The following CACNA1E variants were observed in gnomAD, a reference collection of about 807,000 sequenced individuals.
CACNA1E encodes voltage-dependent R-type calcium channel subunit alpha-1E.
A neutral mutation model predicts 259.2 loss-of-function variants in CACNA1E; 40 were observed. That is an observed-to-expected ratio of 0.15 (90% CI 0.12 to 0.20). The LOEUF (loss-of-function observed/expected upper bound fraction) is 0.20. Among genes scored for constraint, CACNA1E ranks in the 10% least tolerant of loss-of-function variants. The pLI is 1.00. For synonymous variants in CACNA1E, 1,104 were observed against 1,138.5 expected (o/e 0.97, Z 0.61); for missense variants, 1,874 against 3,040.1 (o/e 0.62, Z 9.02).
intron 1 of CACNA1E, among the ~76,000 whole-genome samples, chr1:181,495,324 T>C (rs1185044299): frequency 6.6e-6 from 1 of 152,176 alleles, no homozygotes; most frequent in Non-Finnish European, 1.5e-5. Flanking sequence ...CAGTATCACC[T>C]CTGTCACTTT....
chr1:181,537,516 G>A (rs544188787), intron 3 of CACNA1E, among the ~76,000 whole-genome samples: 2 of 152,316 alleles, frequency 1.3e-5, no homozygotes, highest in South Asian at 2.1e-4. Flanking sequence ...GTTACTGTAT[G>A]TATATAGAAA....
chr1:181,477,461 T>C (rs1310204707), intron 2 of CACNA1E, among the ~76,000 whole-genome samples: 1 of 152,240 alleles, frequency 6.6e-6, no homozygotes, highest in Non-Finnish European at 1.5e-5. Flanking sequence ...AATGTGTGGC[T>C]CATCAAAGGG....
chr1:181,695,876 A>C (rs577687795), intron 7 of CACNA1E, among the ~76,000 whole-genome samples: 18 of 152,318 alleles, frequency 1.2e-4, no homozygotes, highest in African/African-American at 4.3e-4. Flanking sequence ...AATTGCTTGA[A>C]TCCAGGAGGC....
chr1:181,613,969 C>T (rs1261383950), intron 6 of CACNA1E, among the ~76,000 whole-genome samples: 4 of 152,120 alleles, frequency 2.6e-5, no homozygotes, highest in African/African-American at 9.7e-5. Context: ...TCAAACCATC[C>T]TTTGCTGGCA....
rs116672840 is a variant in CACNA1E at position 181,457,488 on chromosome 1, G to A, written c.435-26256G>A. 7.3e-3 allele frequency among the ~76,000 whole-genome samples: 1,106 copies of A among 152,344 alleles called. 6 individuals carry two copies. Among genetic ancestry groups the A allele is most frequent in the Non-Finnish European group, 9.4e-3 (638 of 68,038 alleles). The stretch of plus-strand genomic sequence containing the variant: ...GTTCCTTACAAGTGGAGTGACTCCC[G>A]CGTTGGTGACAAGAGGGCATGGATG... On this transcript the variant is annotated intron_variant, in intron 2 of 11. Coordinates refer to the CACNA1E transcript ENST00000524607.
chr1:181,355,579 C>T (rs1388178496), intron 1 of CACNA1E, among the ~76,000 whole-genome samples: 1 of 147,108 alleles, frequency 6.8e-6, no homozygotes, highest in Non-Finnish European at 1.5e-5. Context: ...CAGAGTGAGA[C>T]TCCATCTCAA....
At chr1:181,495,316 G>T (rs571288327) in intron 1 of CACNA1E, among the ~76,000 whole-genome samples, 2 of 152,182 alleles carry the variant, frequency 1.3e-5, no homozygotes, top group Non-Finnish European at 2.9e-5. Context: ...TCAAATCTCA[G>T]TATCACCTCT....
chr1:181,471,982 C>G (rs1662539518), intron 2 of CACNA1E, among the ~76,000 whole-genome samples: 1 of 151,932 alleles, frequency 6.6e-6, no homozygotes, highest in Non-Finnish European at 1.5e-5. Context: ...TTTACAATAA[C>G]TAGGATATGG....
At chr1:181,632,504 C>T (rs1656841462) in intron 6 of CACNA1E, among the ~76,000 whole-genome samples, 1 of 152,162 alleles carries the variant, frequency 6.6e-6, no homozygotes, top group African/African-American at 2.4e-5. Flanking sequence ...AGGTCAGTAA[C>T]ACCTGTATTT....
At chr1:181,482,029 C>T (rs1227543952), upstream of CACNA1E, among the ~76,000 whole-genome samples, 1 of 152,174 alleles carries the variant, frequency 6.6e-6, no homozygotes, top group Non-Finnish European at 1.5e-5. Flanking sequence ...GGGAGGCCGC[C>T]CCGTGAGGGC....
chr1:181,716,019 T>A, intron 9 of CACNA1E, 21 bp from the exon 10 acceptor site: 1 of 1,540,624 alleles, frequency 6.5e-7, no homozygotes, highest in South Asian at 1.2e-5. Flanking sequence ...CTCTCACTGG[T>A]CTTCCCTTTC....
intron 3 of CACNA1E, among the ~76,000 whole-genome samples, chr1:181,572,802 T>G (rs1397624028): frequency 1.3e-5 from 2 of 152,214 alleles, no homozygotes; most frequent in Non-Finnish European, 2.9e-5. Context: ...GCCATTAAGC[T>G]ACTTTTGTAC....
chr1:181,499,128 AC>A (rs1366521045), intron 1 of CACNA1E, among the ~76,000 whole-genome samples: 2 of 152,202 alleles, frequency 1.3e-5, no homozygotes, highest in African/African-American at 4.8e-5. Context: ...ATGGACTTCT[AC>A]CCAGTGTAAA....
chr1:181,648,109 G>A (rs2102043811), intron 6 of CACNA1E, among the ~76,000 whole-genome samples: 1 of 152,288 alleles, frequency 6.6e-6, no homozygotes, highest in Admixed American at 6.5e-5. Flanking sequence ...GGTGGATAAT[G>A]TTTGCGGCAA....
intron 7 of CACNA1E, among the ~76,000 whole-genome samples, chr1:181,670,328 T>G (rs1253883028): frequency 6.6e-6 from 1 of 152,224 alleles, no homozygotes; most frequent in Non-Finnish European, 1.5e-5. Context: ...AGCTGTTAAG[T>G]TGAGAAGCTG....
chr1:181,567,428 C>G (rs7545423), intron 3 of CACNA1E, among the ~76,000 whole-genome samples: 15,141 of 152,086 alleles, frequency 0.1, 1,178 homozygotes, highest in African/African-American at 0.21. Context: ...ATGTATTGAG[C>G]AATATACCCC....
intron 12 of CACNA1E, among the ~76,000 whole-genome samples, chr1:181,718,951 T>C (rs1572693740): frequency 6.6e-6 from 1 of 152,322 alleles, no homozygotes; most frequent in East Asian, 1.9e-4. Context: ...ACCACTTCTC[T>C]TTCTGTCAAT....
intron 6 of CACNA1E, among the ~76,000 whole-genome samples, chr1:181,601,066 T>C (rs1653694179): frequency 6.6e-6 from 1 of 152,116 alleles, no homozygotes; most frequent in Admixed American, 6.5e-5. Flanking sequence ...TTTAGGAAGT[T>C]ATTATGACAG....
intron 7 of CACNA1E, among the ~76,000 whole-genome samples, chr1:181,679,439 G>A (rs1649705907): frequency 1.3e-5 from 2 of 152,198 alleles, no homozygotes; most frequent in Admixed American, 6.5e-5. Context: ...ACAGAGCAAA[G>A]GTCCTATTAG....
Sources: gnomAD v4.1 joint callset for allele counts (sites outside exome capture counted in the v4.1 genomes callset) on GRCh38, gnomAD v4.1.1 for gene constraint, MANE v1.5 for transcripts, NCBI Gene and HGNC (gene_info 2026-07-23, HGNC 2026-07-21) for gene names.